The following ADAM10 variants were observed in gnomAD, a reference collection of about 807,000 sequenced individuals.
ADAM10 encodes disintegrin and metalloproteinase domain-containing protein 10.
ADAM10 carries 17 observed loss-of-function variants against 90.1 expected under a neutral mutation model. That is an observed-to-expected ratio of 0.19 (90% CI 0.13 to 0.28). The LOEUF is 0.28. ADAM10 is among the 10% of genes least tolerant of loss of function. The pLI, the probability that ADAM10 is intolerant of heterozygous loss-of-function variation, is 1.00. For missense variants in ADAM10, 610 were observed against 914.3 expected (o/e 0.67, Z 4.29); for synonymous variants, 310 against 298.6 (o/e 1.04, Z -0.40).
At chr15:58,678,307 T>A (rs1886859084) in intron 4 of ADAM10, among the ~76,000 whole-genome samples, 1 of 152,102 alleles carries the variant, frequency 6.6e-6, no homozygotes, top group African/African-American at 2.4e-5. Context: ...TTAATGCTTG[T>A]CAGTGTATTA....
chr15:58,656,691 T>C (rs116188137), intron 5 of ADAM10, among the ~76,000 whole-genome samples: 2,262 of 152,326 alleles, frequency 0.015, 69 homozygotes, highest in African/African-American at 0.052. Flanking sequence ...TTATTTTTTA[T>C]CAGTTCATCA....
At chr15:58,745,122 G>A (rs1899748555) in intron 1 of ADAM10, among the ~76,000 whole-genome samples, 1 of 152,330 alleles carries the variant, frequency 6.6e-6, no homozygotes, top group East Asian at 1.9e-4. Context: ...GACGGAGGTT[G>A]CAGTGAGCCA....
At chr15:58,603,610 G>T (rs1201481090) in intron 14 of ADAM10, among the ~76,000 whole-genome samples, 4 of 152,066 alleles carry the variant, frequency 2.6e-5, no homozygotes, top group African/African-American at 9.6e-5. Flanking sequence ...ATGGCCATCA[G>T]TGTTATGGCT....
chr15:58,743,157 A>G (rs1226151186), intron 1 of ADAM10, among the ~76,000 whole-genome samples: 3 of 152,076 alleles, frequency 2.0e-5, no homozygotes, highest in Non-Finnish European at 4.4e-5. Context: ...AATCATTCCT[A>G]CAATTTGGAA....
rs71425819 is a variant in ADAM10 at position 58,683,859 on chromosome 15, CAAAAA to C, written c.207-1550_207-1546del. Among the ~76,000 whole-genome samples the C allele has an allele frequency of 9.3e-3, 624 of 67,210 alleles. 7 individuals are homozygous for C. The highest frequency in any genetic ancestry group is 0.034 in the African/African-American group (581 of 16,902). 44.1% of individuals were successfully genotyped at this position (67,210 alleles called of 152,430 possible). ...TGGGTGACAAAGTGAGGCTCCATCT[CAAAAA>C]AAAAAAAAAAAAAAAAAAAGAGAAG... On this transcript the variant is annotated intron_variant, in intron 2 of 15. Transcript: ENST00000260408.
chr15:58,691,768 C>T (rs112562642), intron 2 of ADAM10: 3,487 of 344,182 alleles, frequency 0.01, 36 homozygotes, highest in Middle Eastern at 0.037. Flanking sequence ...CTGCAACTTC[C>T]GCCTCCCAGG....
At chr15:58,616,183 T>C (rs1398951864) in intron 11 of ADAM10, among the ~76,000 whole-genome samples, 3 of 152,178 alleles carry the variant, frequency 2.0e-5, no homozygotes, top group Non-Finnish European at 4.4e-5. Flanking sequence ...AAAGTAACGG[T>C]TGGAGACTTC....
intron 6 of ADAM10, among the ~76,000 whole-genome samples, chr15:58,644,296 C>T (rs1283721631): frequency 6.7e-6 from 1 of 148,910 alleles, no homozygotes; most frequent in Non-Finnish European, 1.5e-5. Context: ...GTGTTGCAAT[C>T]TCGGCTCACT....
In ADAM10 at chr15:58,596,534, G is replaced by A. The variant is rs1894955982; in HGVS notation, c.*1013C>T. ...GTTTAAATATTTTGATAAAGACACA[G>A]CTTTTCTTTTCCATATCAGACAGAA... On this transcript the variant is annotated 3_prime_UTR_variant, in exon 16 of 16. Transcript: ENST00000260408. 6.6e-6 allele frequency: 1 copy of A among 152,522 alleles called. No homozygotes were observed. The highest frequency in any genetic ancestry group is 2.1e-4 in the South Asian group (1 of 4,824). 9.4% of individuals were successfully genotyped at this position (152,522 alleles called of 1,614,324 possible).
rs543217020 is a variant in ADAM10, at chr15:58,714,350, A to AT, written c.206+3226dup. ...ACAGAAGCTGTGCTACTACCCAGAA[A>AT]TGTAAGTCACAACTGTATAAGCAAA... On this transcript the variant is annotated intron_variant, in intron 2 of 15. Transcript: ENST00000260408. Among the ~76,000 whole-genome samples, 53 of 151,602 alleles carry AT rather than the reference A, an allele frequency of 3.5e-4. No homozygotes were observed. In the East Asian group the frequency reaches 0.01, roughly 29 times the overall value.
rs552821843 is a variant in ADAM10 at position 58,590,218 on chromosome 15, C to T, written c.*7329G>A. 6.6e-6 allele frequency: 1 copy of T among 152,312 alleles called. No individual in the cohort carries two copies. The highest frequency in any genetic ancestry group is 2.4e-5 in the African/African-American group (1 of 41,562). 9.4% of individuals were successfully genotyped at this position (152,312 alleles called of 1,614,324 possible). On this transcript the variant is annotated 3_prime_UTR_variant, in exon 16 of 16. Coordinates refer to ENST00000260408, the MANE Select transcript of ADAM10 (RefSeq NM_001110.4). Reference sequence around the variant, plus strand: ...CATTATCAGCTGTGACAACGTCCCACCCTCCTTTCTCAGTCCTATCTCTGC... The same window carrying T: ...CATTATCAGCTGTGACAACGTCCCATCCTCCTTTCTCAGTCCTATCTCTGC...
At chr15:58,616,118 A>C (rs577178374) in intron 11 of ADAM10, among the ~76,000 whole-genome samples, 1 of 152,352 alleles carries the variant, frequency 6.6e-6, no homozygotes, top group East Asian at 1.9e-4. Context: ...ACACCAGAGC[A>C]CCCAGATACA....
chr15:58,593,149 A>ATTTTTTTTTTTTTTTTTTTTTTTT lies in ADAM10; in HGVS notation c.*4374_*4397dup. On this transcript the variant is annotated 3_prime_UTR_variant, in exon 16 of 16. Coordinates refer to ENST00000260408, the MANE Select transcript of ADAM10 (RefSeq NM_001110.4). ...AAAGTAACAAAGGCCAGGTACTCAA[A>ATTTTTTTTTTTTTTTTTTTTTTTT]TTTTTTTTTTTTTTTTTTTTTTTTT... is the stretch of plus-strand genomic sequence containing the variant. The ATTTTTTTTTTTTTTTTTTTTTTTT allele has an allele frequency of 2.9e-5, 2 of 68,402 alleles. 1 individual carries two copies. The highest frequency in any genetic ancestry group is 5.5e-5 in the Non-Finnish European group (2 of 36,234). 4.2% of individuals were successfully genotyped at this position (68,402 alleles called of 1,614,324 possible).
chr15:58,641,386 CTAATTACTA>C (rs1896412429), intron 7 of ADAM10, among the ~76,000 whole-genome samples: 1 of 152,182 alleles, frequency 6.6e-6, no homozygotes, highest in South Asian at 2.1e-4. Flanking sequence ...TGTATTTTAA[CTAATTACTA>C]GAATATAAAA....
At chr15:58,627,648 T>C (rs1895986062) in intron 10 of ADAM10, 52 bp downstream of exon 10, 1 of 1,523,614 alleles carries the variant, frequency 6.6e-7, no homozygotes, top group Non-Finnish European at 9.1e-7. Flanking sequence ...TCTTTCAAGT[T>C]GTCTGAATGT....
chr15:58,681,684 C>A (rs1202708201), intron 3 of ADAM10, among the ~76,000 whole-genome samples: 1 of 152,054 alleles, frequency 6.6e-6, no homozygotes, highest in African/African-American at 2.4e-5. Flanking sequence ...GCCACTGATG[C>A]CCCCCAACAT....
At chr15:58,749,389 C>CT (rs1439222514) in intron 1 of ADAM10, 91 bp downstream of exon 1, 1 of 1,280,180 alleles carries the variant, frequency 7.8e-7, no homozygotes, top group Non-Finnish European at 9.9e-7. Flanking sequence ...CTGACTGACG[C>CT]GCACGCCGCG....
Position 58,592,061 on chromosome 15 carries a change from A to T in ADAM10, c.*5486T>A, listed in dbSNP as rs1196468695. On this transcript the variant is annotated 3_prime_UTR_variant, in exon 16 of 16. Coordinates refer to ENST00000260408, the MANE Select transcript of ADAM10 (RefSeq NM_001110.4). Reference sequence around the variant, plus strand: ...GGATTTTGCTGATTGAGTCCCTTGTATATTATTTGTCCCTCTGTCCCCTGT... The same window carrying T: ...GGATTTTGCTGATTGAGTCCCTTGTTTATTATTTGTCCCTCTGTCCCCTGT... 2 of 152,116 alleles carry T rather than the reference A, an allele frequency of 1.3e-5. No individual in the cohort carries two copies. Among genetic ancestry groups the T allele is most frequent in the Non-Finnish European group, 2.9e-5 (2 of 68,046 alleles). The allele number at this position is 152,116 out of a possible 1,614,324, so 9.4% of individuals were successfully genotyped here.
rs759912748 is a variant in ADAM10 at position 58,729,991 on chromosome 15, C to CA, written c.56-12265dup. On this transcript the variant is annotated intron_variant, in intron 1 of 15. Transcript: ENST00000260408. The stretch of plus-strand genomic sequence containing the variant: ...AACAAAAACAAAAACAAAAACAAAA[C>CA]AAACAAACAAACAAAAAAAAAAACT... Among the ~76,000 whole-genome samples the CA allele has an allele frequency of 3.0e-4, 36 of 120,982 alleles. 1 individual carries two copies. The highest frequency in any genetic ancestry group is 5.2e-4 in the African/African-American group (17 of 32,784). The allele number at this position is 120,982 out of a possible 152,430, so 79.4% of individuals were successfully genotyped here.
Sources: allele counts gnomAD v4.1 joint callset (sites outside exome capture counted in the v4.1 genomes callset), GRCh38; gene constraint gnomAD v4.1.1; transcripts MANE v1.5; gene names NCBI Gene and HGNC (gene_info 2026-07-23, HGNC 2026-07-21).